The following DNAH9 variants were observed in gnomAD, a reference collection of about 807,000 sequenced individuals.
The protein encoded by DNAH9 is DNAH9 variant protein.
In DNAH9, 345 loss-of-function variants were observed where a neutral mutation model predicts 471.6. The ratio of observed to expected loss-of-function variants is 0.73; its 90% CI spans 0.67 to 0.80. DNAH9 has a LOEUF of 0.80. DNAH9 is among the 30% of genes least tolerant of loss of function. DNAH9 has a pLI of 0.00. For synonymous variants in DNAH9, 2,093 were observed against 2,123.6 expected, an observed-to-expected ratio of 0.99 and a Z score of 0.40; for missense variants, 5,407 against 5,609.2, an observed-to-expected ratio of 0.96 and a Z score of 1.15.
intron 41 of DNAH9, 56 bp downstream of exon 41, chr17:11,784,595 G>T: frequency 6.2e-7 from 1 of 1,608,934 alleles, no homozygotes; most frequent in Middle Eastern, 1.7e-4. Context: ...CAGATGCTCC[G>T]ATTCTTCATA....
intron 36 of DNAH9, among the ~76,000 whole-genome samples, chr17:11,763,952 G>C (rs184468476): frequency 1.6e-4 from 25 of 152,286 alleles, no homozygotes; most frequent in African/African-American, 4.8e-4. Context: ...TGGAGAGAGG[G>C]GTGGAAGGAG....
intron 49 of DNAH9, among the ~76,000 whole-genome samples, chr17:11,844,184 G>T (rs1057328882): frequency 8.6e-5 from 13 of 151,694 alleles, no homozygotes; most frequent in Admixed American, 7.9e-4. Flanking sequence ...CAGAAACAAA[G>T]AACTATATTT....
intron 35 of DNAH9, among the ~76,000 whole-genome samples, chr17:11,758,849 T>C (rs1467241587): frequency 1.3e-4 from 20 of 152,232 alleles, no homozygotes; most frequent in Admixed American, 1.3e-3. Flanking sequence ...AGTTTTTCTA[T>C]TTCAGGGTCA....
chr17:11,963,549 G>C (rs186705005), intron 68 of DNAH9, among the ~76,000 whole-genome samples: 13 of 151,934 alleles, frequency 8.6e-5, no homozygotes, highest in Non-Finnish European at 1.5e-4. Flanking sequence ...CTAACTATCC[G>C]GTACTATGCT....
rs2150724944 is a variant in DNAH9, at chr17:11,667,457, G to A, written c.2732-1607G>A. On this transcript the variant is annotated intron_variant, in intron 15 of 68. Coordinates refer to ENST00000262442, the MANE Select transcript of DNAH9 (RefSeq NM_001372.4). ...TTGGGACTGTCCTGAGTCCAATAATGAGAATTTGTCATCCCTCCAGTTCTG... is the reference window on the plus strand; with the variant it reads ...TTGGGACTGTCCTGAGTCCAATAATAAGAATTTGTCATCCCTCCAGTTCTG... Among the ~76,000 whole-genome samples the A allele has an allele frequency of 2.6e-5, 4 of 152,262 alleles. 1 individual carries two copies. The South Asian group carries it at 8.3e-4, about 32-fold the overall frequency.
intron 27 of DNAH9, among the ~76,000 whole-genome samples, chr17:11,720,131 A>G (rs975682319): frequency 6.6e-6 from 1 of 152,132 alleles, no homozygotes; most frequent in Non-Finnish European, 1.5e-5. Flanking sequence ...AGCCAGAGAA[A>G]CAAAAGGCCC....
At chr17:11,921,187 A>G (rs956599479) in intron 61 of DNAH9, among the ~76,000 whole-genome samples, 5 of 151,926 alleles carry the variant, frequency 3.3e-5, no homozygotes, top group Admixed American at 6.6e-5. Flanking sequence ...AGGTTGCAGT[A>G]AGGTGAGATC....
In DNAH9 at chr17:11,701,248, G is replaced by T. The variant is rs777167537; in HGVS notation, c.5151+1G>T. ...GTGGCTTTTTGACCACCCAGCTCAG[G>T]TATTCTCCTAATGGGATCCCCATCC... On this transcript the variant is annotated splice_donor_variant, in intron 24 of 68. Coordinates refer to ENST00000262442, the MANE Select transcript of DNAH9 (RefSeq NM_001372.4). LOFTEE classifies it high-confidence loss of function. 6.2e-7 allele frequency: 1 copy of T among 1,612,942 alleles called. No homozygotes were observed. Among genetic ancestry groups the T allele is most frequent in the Non-Finnish European group, 8.5e-7 (1 of 1,179,858 alleles).
chr17:11,687,244 C>T (rs1409052672), intron 19 of DNAH9, among the ~76,000 whole-genome samples: 2 of 152,154 alleles, frequency 1.3e-5, no homozygotes, highest in Non-Finnish European at 2.9e-5. Context: ...AGATGTAAAT[C>T]TACAACCATA....
At chr17:11,935,947 C>T (rs1246291841) in intron 65 of DNAH9, among the ~76,000 whole-genome samples, 3 of 152,108 alleles carry the variant, frequency 2.0e-5, no homozygotes, top group African/African-American at 4.8e-5. Flanking sequence ...AAAGGCTTTT[C>T]CCGGGAAAAT....
chr17:11,948,603 T>C (rs1567570503), intron 67 of DNAH9, among the ~76,000 whole-genome samples: 1 of 152,294 alleles, frequency 6.6e-6, no homozygotes, highest in East Asian at 1.9e-4. Flanking sequence ...GGCCGTGCTA[T>C]GGCCCTTTCA....
At chr17:11,701,373 C>T in intron 24 of DNAH9, 126 bp downstream of exon 24, 5 of 1,054,594 alleles carry the variant, frequency 4.7e-6, no homozygotes, top group Non-Finnish European at 5.6e-6. Flanking sequence ...AGGCTTGAAT[C>T]CCAGACCACT....
intron 22 of DNAH9, among the ~76,000 whole-genome samples, chr17:11,698,170 A>G (rs1391963892): frequency 3.0e-4 from 1 of 3,308 alleles, no homozygotes; most frequent in Non-Finnish European, 1.5e-3. Context: ...ATATTATTAT[A>G]TTAATATATT....
At chr17:11,875,630 C>G (rs558770871) in intron 53 of DNAH9, 51 of 158,880 alleles carry the variant, frequency 3.2e-4, no homozygotes, top group Admixed American at 2.3e-3. Flanking sequence ...TCCTGAGGCA[C>G]AGTTGAACAT....
intron 49 of DNAH9, among the ~76,000 whole-genome samples, chr17:11,844,825 G>A (rs1971157827): frequency 6.6e-6 from 1 of 152,102 alleles, no homozygotes; most frequent in African/African-American, 2.4e-5. Context: ...TCATCACCCA[G>A]ATACTAAGCC....
rs556188088 is a variant in DNAH9 at position 11,626,599 on chromosome 17, C to T, written c.1351-2818C>T. Among the ~76,000 whole-genome samples the T allele has an allele frequency of 2.0e-5, 3 of 152,252 alleles. No homozygotes were observed. The highest frequency in any genetic ancestry group is 1.9e-4 in the East Asian group (1 of 5,178). ...GCCATTTTTTAGGTCGAAATGATCC[C>T]GTATCAGCAATGTAATAAGTTCAAC... On this transcript the variant is annotated intron_variant, in intron 6 of 68. Coordinates refer to ENST00000262442, the MANE Select transcript of DNAH9 (RefSeq NM_001372.4). This position sits in a 1 kb window ranked among gnomAD's most constrained non-coding sequence, Gnocchi z 4.3.
intron 1 of DNAH9, among the ~76,000 whole-genome samples, chr17:11,601,030 A>G (rs1325885647): frequency 6.6e-6 from 1 of 152,180 alleles, no homozygotes; most frequent in African/African-American, 2.4e-5. Context: ...GACTCATCAT[A>G]TAAGTGGAAT....
chr17:11,825,712 A>G (rs1172236292), intron 48 of DNAH9, among the ~76,000 whole-genome samples: 6 of 152,232 alleles, frequency 3.9e-5, no homozygotes, highest in Non-Finnish European at 8.8e-5. Context: ...AAGCAAGACC[A>G]AAGTGATAGT....
intron 9 of DNAH9, 105 bp downstream of exon 9, chr17:11,636,889 T>G: frequency 3.8e-6 from 4 of 1,062,356 alleles, no homozygotes; most frequent in Non-Finnish European, 4.2e-6. Flanking sequence ...CCATACATTC[T>G]CAAAAAAGAG....
Sources: gnomAD v4.1 joint callset for allele counts (sites outside exome capture counted in the v4.1 genomes callset) on GRCh38, gnomAD v4.1.1 for gene constraint, Gnocchi (gnomAD v3.1) non-coding constraint, MANE v1.5 for transcripts, NCBI Gene and HGNC (gene_info 2026-07-23, HGNC 2026-07-21) for gene names.